CNTN4: variants seen among roughly 807,000 people sequenced by gnomAD.
The protein encoded by CNTN4 is contactin-4.
A neutral mutation model predicts 122.5 loss-of-function variants in CNTN4; 77 were observed. The observed-to-expected ratio is 0.63, with a 90% CI of 0.52 to 0.76. CNTN4 has a LOEUF of 0.76. Among genes scored for constraint, CNTN4 ranks in the 30% least tolerant of loss-of-function variants. CNTN4 has a pLI of 0.00. For missense variants in CNTN4, 1,256 were observed against 1,259.1 expected, an observed-to-expected ratio of 1.00 and a Z score of 0.04; for synonymous variants, 512 against 447.0, an observed-to-expected ratio of 1.15 and a Z score of -1.83.
chr3:2,991,193 C>G (rs1210302791), intron 14 of CNTN4, among the ~76,000 whole-genome samples: 1 of 152,116 alleles, frequency 6.6e-6, no homozygotes, highest in African/African-American at 2.4e-5. Flanking sequence ...ATGCACAACA[C>G]TTTAAAAACT....
chr3:2,901,872 G>A (rs1300761659), intron 11 of CNTN4, among the ~76,000 whole-genome samples: 2 of 152,156 alleles, frequency 1.3e-5, no homozygotes, highest in Non-Finnish European at 2.9e-5. Context: ...GAAGGGTCTG[G>A]TGTCTCACTG....
intron 13 of CNTN4, chr3:2,927,396 A>G (rs2094483110): frequency 4.5e-6 from 2 of 447,866 alleles, no homozygotes; most frequent in Admixed American, 4.8e-5. Context: ...AAAAGAGCCA[A>G]ACATGCATGG....
chr3:2,275,173 G>T (rs1359135529), intron 2 of CNTN4, among the ~76,000 whole-genome samples: 1 of 152,166 alleles, frequency 6.6e-6, no homozygotes, highest in East Asian at 1.9e-4. Flanking sequence ...TGCTGTAAGT[G>T]GTTAATTATG....
chr3:2,368,593 TCTGTGAATAC>T (rs2045506563), intron 3 of CNTN4, among the ~76,000 whole-genome samples: 1 of 152,132 alleles, frequency 6.6e-6, no homozygotes, highest in South Asian at 2.1e-4. Flanking sequence ...TTCTCTCAGA[TCTGTGAATAC>T]CTATTAGGGA....
intron 3 of CNTN4, among the ~76,000 whole-genome samples, chr3:2,350,208 G>C (rs1017269901): frequency 6.6e-5 from 10 of 152,164 alleles, no homozygotes; most frequent in African/African-American, 2.2e-4. Flanking sequence ...GCTGTCTTCA[G>C]AGTAGGTAGA....
At chr3:2,233,391 G>A (rs1193823795) in intron 2 of CNTN4, among the ~76,000 whole-genome samples, 1 of 152,090 alleles carries the variant, frequency 6.6e-6, no homozygotes, top group East Asian at 1.9e-4. Context: ...CGATCAAGAA[G>A]CCTTTGCCTG....
chr3:2,351,296 C>A (rs2044606896), intron 3 of CNTN4, among the ~76,000 whole-genome samples: 1 of 152,190 alleles, frequency 6.6e-6, no homozygotes, highest in East Asian at 1.9e-4. Context: ...GACCAAATCT[C>A]ATTTTATAGT....
In CNTN4 at chr3:3,016,713, T is replaced by A. The variant is rs575616864; in HGVS notation, c.1487-9389T>A. Among the ~76,000 whole-genome samples, 10 of 152,284 alleles carry A rather than the reference T, an allele frequency of 6.6e-5. No homozygotes were observed. The South Asian group carries it at 1.9e-3, about 28-fold the overall frequency. On this transcript the variant is annotated intron_variant, in intron 14 of 24. Transcript: ENST00000418658. ...GACCAGGCAGATCTAATAACTTTGA[T>A]TACCACCTGACTGATTGTTTCCCAA... is the stretch of plus-strand genomic sequence containing the variant.
chr3:2,106,615 C>T (rs1434111494), intron 2 of CNTN4, among the ~76,000 whole-genome samples: 1 of 152,176 alleles, frequency 6.6e-6, no homozygotes, highest in African/African-American at 2.4e-5. Context: ...GCAGGGAGCC[C>T]AGTGCCTTGT....
intron 4 of CNTN4, among the ~76,000 whole-genome samples, chr3:2,642,350 T>G (rs1232555227): frequency 6.6e-6 from 1 of 152,138 alleles, no homozygotes; most frequent in Non-Finnish European, 1.5e-5. Flanking sequence ...AGATTGAGGG[T>G]GGGTCTGCCG....
At chr3:2,265,457 C>A (rs2041005876) in intron 2 of CNTN4, among the ~76,000 whole-genome samples, 1 of 152,094 alleles carries the variant, frequency 6.6e-6, no homozygotes, top group African/African-American at 2.4e-5. Context: ...GTTTGTGTTA[C>A]TATGACTTTG....
intron 2 of CNTN4, among the ~76,000 whole-genome samples, chr3:2,153,909 A>T (rs1039985728): frequency 2.0e-5 from 3 of 152,286 alleles, no homozygotes; most frequent in African/African-American, 7.2e-5. Flanking sequence ...TAAGGAACTT[A>T]AAAAAGTGTT....
chr3:2,881,857 A>G (rs2093914686), intron 8 of CNTN4, among the ~76,000 whole-genome samples: 1 of 152,112 alleles, frequency 6.6e-6, no homozygotes, highest in African/African-American at 2.4e-5. Context: ...CTTTCCTTCT[A>G]AGGTTCAGTC....
intron 2 of CNTN4, chr3:2,239,003 G>A (rs1407916497): frequency 1.3e-5 from 2 of 151,286 alleles, no homozygotes; most frequent in East Asian, 2.0e-4. Flanking sequence ...GGGATGACAG[G>A]CGTGAGCCAC....
At chr3:2,105,325 C>T (rs1193533704) in intron 2 of CNTN4, among the ~76,000 whole-genome samples, 7 of 152,096 alleles carry the variant, frequency 4.6e-5, no homozygotes, top group Non-Finnish European at 5.9e-5. Context: ...CATGTGAGCC[C>T]GTTAATCTGG....
chr3:2,992,905 A>T (rs1456155441), intron 14 of CNTN4, among the ~76,000 whole-genome samples: 2 of 152,164 alleles, frequency 1.3e-5, no homozygotes, highest in Admixed American at 1.3e-4. Flanking sequence ...AGAAGTGCAG[A>T]TCTCCTGGGC....
At chr3:2,869,983 A>G (rs969263818) in intron 8 of CNTN4, among the ~76,000 whole-genome samples, 1 of 152,206 alleles carries the variant, frequency 6.6e-6, no homozygotes, top group Non-Finnish European at 1.5e-5. Context: ...GCTTCTACCC[A>G]AATGCACTTA....
intron 2 of CNTN4, among the ~76,000 whole-genome samples, chr3:2,160,753 AG>A (rs2035930993): frequency 1.3e-5 from 2 of 152,164 alleles, no homozygotes; most frequent in Admixed American, 6.5e-5. Context: ...ACTGTTTCTC[AG>A]ATGGTTCAGG....
intron 3 of CNTN4, among the ~76,000 whole-genome samples, chr3:2,476,520 C>G (rs778017369): frequency 6.6e-6 from 1 of 152,152 alleles, no homozygotes; most frequent in African/African-American, 2.4e-5. Context: ...CTACCTCTTA[C>G]GGCAAGAGTG....
Sources: allele counts gnomAD v4.1 joint callset (sites outside exome capture counted in the v4.1 genomes callset), GRCh38; gene constraint gnomAD v4.1.1; transcripts MANE v1.5; gene names NCBI Gene and HGNC (gene_info 2026-07-23, HGNC 2026-07-21).